SHROOM3: variants seen among roughly 807,000 people sequenced by gnomAD.
SHROOM3 encodes shroom family member 3, also known as protein Shroom3.
A neutral mutation model predicts 138.6 loss-of-function variants in SHROOM3; 47 were observed. The observed-to-expected ratio is 0.34, with a 90% confidence interval of 0.27 to 0.43. SHROOM3 has a LOEUF of 0.43. Among genes scored for constraint, SHROOM3 ranks in the 20% least tolerant of loss-of-function variants. The probability of loss-of-function intolerance (pLI) is 1.00; values close to 1 mark genes in which losing one functional copy is unlikely to be tolerated. For synonymous variants in SHROOM3, 1,062 were observed against 1,063.3 expected, an observed-to-expected ratio of 1.00 and a Z score of 0.02; for missense variants, 2,491 against 2,596.5, an observed-to-expected ratio of 0.96 and a Z score of 0.88.
chr4:76,632,147 G>A (rs189088113), intron 2 of SHROOM3, among the ~76,000 whole-genome samples: 17 of 152,282 alleles, frequency 1.1e-4, no homozygotes, highest in African/African-American at 3.8e-4. Flanking sequence ...GATTTATTAT[G>A]TTGGATAGAC....
chr4:76,773,329 A>G (rs1468256861), intron 10 of SHROOM3, among the ~76,000 whole-genome samples: 1 of 150,172 alleles, frequency 6.7e-6, no homozygotes, highest in Non-Finnish European at 1.5e-5. Flanking sequence ...AGCCGAGATC[A>G]CACCACTGCA....
At chr4:76,581,560 G>A (rs964531287) in intron 2 of SHROOM3, among the ~76,000 whole-genome samples, 9 of 152,080 alleles carry the variant, frequency 5.9e-5, no homozygotes, top group African/African-American at 9.7e-5. Flanking sequence ...TTAAAGTTAC[G>A]GTGTCATCAG....
At chr4:76,442,571 G>A (rs929696423) in intron 1 of SHROOM3, among the ~76,000 whole-genome samples, 1 of 151,864 alleles carries the variant, frequency 6.6e-6, no homozygotes, top group Admixed American at 6.6e-5. Context: ...CACCACGCAC[G>A]GCTAATTTTT....
chr4:76,642,716 G>C (rs1042176952), intron 2 of SHROOM3, among the ~76,000 whole-genome samples: 1 of 152,124 alleles, frequency 6.6e-6, no homozygotes, highest in African/African-American at 2.4e-5. Flanking sequence ...CTAGGTAATA[G>C]GTTAGAGCAT....
At chr4:76,462,722 C>T (rs1336845823) in intron 1 of SHROOM3, among the ~76,000 whole-genome samples, 21 of 146,376 alleles carry the variant, frequency 1.4e-4, no homozygotes, top group African/African-American at 5.0e-4. Flanking sequence ...CCCTCTCCCT[C>T]TCCCTTTCCC....
chr4:76,550,391 G>A (rs1326365290), intron 1 of SHROOM3, among the ~76,000 whole-genome samples: 1 of 152,184 alleles, frequency 6.6e-6, no homozygotes, highest in Non-Finnish European at 1.5e-5. Flanking sequence ...CTATGACAAA[G>A]GTAGTGACTG....
At position 76,710,236 on chromosome 4, in the gene SHROOM3, A is replaced by G; in HGVS notation, c.404A>G (p.Gln135Arg). ...VSPEHLTSGP[Q>R]HRKAAWSGGV... ...CCAGAACACCTCACCTCTGGCCCCC[A>G]GCACAGGAAAGCAGCGTGGTCAGGA... is the stretch of plus-strand genomic sequence containing the variant. Residue 135 changes from glutamine to arginine, a missense_variant, in exon 3 of 11, where the codon CAG (glutamine) becomes CGG (arginine). This residue lies in a region of SHROOM3 where 284 missense variants were observed against 322.8 expected (regional missense o/e 0.88). Transcript: ENST00000296043. 1.9e-6 allele frequency: 3 copies of G among 1,614,118 alleles called. No individual in the cohort carries two copies. Among genetic ancestry groups the G allele is most frequent in the African/African-American group, 1.3e-5 (1 of 75,018 alleles).
At chr4:76,662,281 G>T (rs1213980534) in intron 2 of SHROOM3, among the ~76,000 whole-genome samples, 1 of 152,104 alleles carries the variant, frequency 6.6e-6, no homozygotes, top group Non-Finnish European at 1.5e-5. Flanking sequence ...GTGGTTGTAG[G>T]ATGAAGTCCC....
At chr4:76,544,871 TC>T (rs1733179535) in intron 1 of SHROOM3, among the ~76,000 whole-genome samples, 1 of 152,176 alleles carries the variant, frequency 6.6e-6, no homozygotes, top group Non-Finnish European at 1.5e-5. Context: ...AGCGGGGCCT[TC>T]TTTTACAGCT....
At chr4:76,463,741 A>G (rs1418011013) in intron 1 of SHROOM3, among the ~76,000 whole-genome samples, 1 of 152,230 alleles carries the variant, frequency 6.6e-6, no homozygotes, top group Non-Finnish European at 1.5e-5. Context: ...CTCCAGCTCC[A>G]GCCAAGGCTA....
chr4:76,681,654 A>G lies in SHROOM3; in HGVS notation c.324-28502A>G, dbSNP rs1577970948. Among the ~76,000 whole-genome samples, 4 of 43,630 alleles carry G rather than the reference A, an allele frequency of 9.2e-5. No homozygotes were observed. The Admixed American group carries it at 9.6e-4, about 11-fold the overall frequency. The allele number at this position is 43,630 out of a possible 152,430, so 28.6% of individuals were successfully genotyped here. ...GTGTGTATGTGTCTGGATGAGATTG[A>G]ACCTTTGGTATCCTTGTCACCATTC... is the stretch of plus-strand genomic sequence containing the variant. On this transcript the variant is annotated intron_variant, in intron 2 of 10. Coordinates refer to ENST00000296043, the MANE Select transcript of SHROOM3 (RefSeq NM_020859.4).
Position 76,741,281 on chromosome 4 carries a change from A to C in SHROOM3, c.3108A>C (p.Glu1036Asp). ...MNEVGIVEEA[E>D]PAPLGPQRNG... ...AGGTGGGGATCGTGGAGGAGGCCGA[A>C]CCGGCACCCCTGGGCCCGCAGAGAA... The change falls in exon 5 of 11, where the codon GAA (glutamate) becomes GAC (aspartate). Residue 1036 changes from glutamate to aspartate, a missense_variant. This residue lies in a region of SHROOM3 where 1,733 missense variants were observed against 1,661.6 expected (regional missense o/e 1.04). Coordinates refer to ENST00000296043, the MANE Select transcript of SHROOM3 (RefSeq NM_020859.4). The surrounding 1 kb of genome is among the most constrained non-coding windows in gnomAD (Gnocchi z 6.2). The C allele has an allele frequency of 6.2e-7, 1 of 1,612,010 alleles. No homozygotes were observed. Among genetic ancestry groups the C allele is most frequent in the South Asian group, 1.1e-5 (1 of 91,064 alleles).
chr4:76,573,973 C>T (rs545825718), intron 2 of SHROOM3, among the ~76,000 whole-genome samples: 8 of 152,292 alleles, frequency 5.3e-5, no homozygotes, highest in Non-Finnish European at 1.2e-4. Context: ...ACTCCAGTGA[C>T]CTTCTCCTAG....
intron 9 of SHROOM3, among the ~76,000 whole-genome samples, chr4:76,768,802 C>T (rs1275801740): frequency 6.6e-6 from 1 of 152,220 alleles, no homozygotes; most frequent in Non-Finnish European, 1.5e-5. Context: ...GCATGAGCCA[C>T]TGCGCCCAGC....
At chr4:76,620,231 G>A (rs1416279352) in intron 2 of SHROOM3, among the ~76,000 whole-genome samples, 1 of 152,118 alleles carries the variant, frequency 6.6e-6, no homozygotes, top group Non-Finnish European at 1.5e-5. Flanking sequence ...TTTTTTGTTT[G>A]TTCTGGGAAA....
At position 76,741,813 on chromosome 4, in the gene SHROOM3, G is replaced by A. The variant is rs990942668; in HGVS notation, c.3640G>A (p.Ala1214Thr). 1.3e-6 allele frequency: 2 copies of A among 1,588,434 alleles called. No individual in the cohort carries two copies. Among genetic ancestry groups the A allele is most frequent in the Non-Finnish European group, 1.7e-6 (2 of 1,167,952 alleles). The change falls in exon 5 of 11, where the codon GCC becomes ACC. Residue 1214 changes from alanine to threonine, a missense_variant. Coordinates refer to ENST00000296043, the MANE Select transcript of SHROOM3 (RefSeq NM_020859.4). The surrounding 1 kb of genome is among the most constrained non-coding windows in gnomAD (Gnocchi z 6.2). Reference sequence around the variant, plus strand: ...CCCCAGGGAGCCATCCTCCTGGGGGGCCAGGGCCGGGAAGTCCATGTCGGC... The same window carrying A: ...CCCCAGGGAGCCATCCTCCTGGGGGACCAGGGCCGGGAAGTCCATGTCGGC... ...ETPREPSSWG[A>T]RAGKSMSAED...
chr4:76,601,418 G>T (rs1272779991), intron 2 of SHROOM3, among the ~76,000 whole-genome samples: 1 of 152,184 alleles, frequency 6.6e-6, no homozygotes, highest in Non-Finnish European at 1.5e-5. Context: ...AATAACAGCT[G>T]TTGGGAGCTT....
intron 2 of SHROOM3, among the ~76,000 whole-genome samples, chr4:76,643,531 A>G (rs962246705): frequency 5.9e-5 from 9 of 152,190 alleles, no homozygotes; most frequent in Non-Finnish European, 7.3e-5. Context: ...GGGGTTCTAA[A>G]CAGTGATGTT....
chr4:76,533,148 T>C (rs35159569), intron 1 of SHROOM3, among the ~76,000 whole-genome samples: 18,814 of 152,226 alleles, frequency 0.12, 1,696 homozygotes, highest in African/African-American at 0.25. Flanking sequence ...CATGGTTGAC[T>C]GAGGATGATT....
Sources: allele counts gnomAD v4.1 joint callset (sites outside exome capture counted in the v4.1 genomes callset), GRCh38; gene constraint gnomAD v4.1.1; regional missense constraint gnomAD v4.1.1; non-coding constraint Gnocchi (gnomAD v3.1); transcripts MANE v1.5; gene names NCBI Gene and HGNC (gene_info 2026-07-23, HGNC 2026-07-21).